The following ATP8B4 variants were observed in gnomAD, a reference collection of about 807,000 sequenced individuals.
ATP8B4 encodes the protein probable phospholipid-transporting ATPase IM.
In ATP8B4, 133 loss-of-function variants were observed where a neutral mutation model predicts 145.6. The observed-to-expected ratio is 0.91, with a 90% CI of 0.79 to 1.05. The LOEUF (loss-of-function observed/expected upper bound fraction) is 1.05. ATP8B4 is among the 50% of genes least tolerant of loss of function. The probability of loss-of-function intolerance (pLI) is 0.00; values close to 1 mark genes in which losing one functional copy is unlikely to be tolerated. For synonymous variants in ATP8B4, 507 were observed against 492.9 expected, an observed-to-expected ratio of 1.03 and a Z score of -0.38; for missense variants, 1,458 against 1,425.2, an observed-to-expected ratio of 1.02 and a Z score of -0.37.
At chr15:50,139,909 C>T (rs943730627) in intron 1 of ATP8B4, among the ~76,000 whole-genome samples, 2 of 152,038 alleles carry the variant, frequency 1.3e-5, no homozygotes, top group African/African-American at 4.8e-5. Context: ...ACTGGATAAG[C>T]ACAATAGGTG....
At chr15:49,862,754 C>CAAGA (rs1455840786) in intron 26 of ATP8B4, among the ~76,000 whole-genome samples, 2 of 152,160 alleles carry the variant, frequency 1.3e-5, no homozygotes, top group African/African-American at 4.8e-5. Flanking sequence ...CACGCCTGGC[C>CAAGA]AAGATCTTTT....
chr15:50,047,927 G>A (rs565189784), intron 3 of ATP8B4, among the ~76,000 whole-genome samples: 2 of 152,166 alleles, frequency 1.3e-5, no homozygotes, highest in East Asian at 1.9e-4. Context: ...TGACTGCCTC[G>A]CAAGGCAGCC....
At chr15:50,168,613 A>T (rs1052897122) in intron 1 of ATP8B4, among the ~76,000 whole-genome samples, 1 of 152,224 alleles carries the variant, frequency 6.6e-6, no homozygotes, top group Admixed American at 6.5e-5. Context: ...AGGGGGTAAA[A>T]GTCCACAGGG....
At chr15:49,947,187 T>C (rs998151783) in intron 14 of ATP8B4, among the ~76,000 whole-genome samples, 6 of 152,056 alleles carry the variant, frequency 3.9e-5, no homozygotes, top group African/African-American at 1.4e-4. Context: ...AATCCCAGCA[T>C]TTTGAGAAGC....
chr15:49,939,239 C>T (rs1489644281), intron 14 of ATP8B4, among the ~76,000 whole-genome samples: 14 of 151,576 alleles, frequency 9.2e-5, no homozygotes, highest in Admixed American at 8.6e-4. Flanking sequence ...AAACTAACAC[C>T]AAAGCTAACA....
At chr15:49,903,912 G>C (rs556419447) in intron 20 of ATP8B4, among the ~76,000 whole-genome samples, 1 of 151,286 alleles carries the variant, frequency 6.6e-6, no homozygotes, top group African/African-American at 2.4e-5. Context: ...AAAAAAAATC[G>C]ATCTGTTGGA....
chr15:50,021,071 A>G (rs1007015913), intron 6 of ATP8B4, among the ~76,000 whole-genome samples: 1 of 152,070 alleles, frequency 6.6e-6, no homozygotes, highest in Admixed American at 6.6e-5. Context: ...GTACTGTTCT[A>G]TTTGTGTGTG....
intron 3 of ATP8B4, among the ~76,000 whole-genome samples, chr15:50,057,721 C>G (rs2052708924): frequency 1.3e-5 from 2 of 152,216 alleles, no homozygotes; most frequent in Non-Finnish European, 2.9e-5. Context: ...GCATCACAAA[C>G]TTTGTTCTCT....
intron 20 of ATP8B4, chr15:49,901,735 G>T: frequency 2.5e-6 from 1 of 393,224 alleles, no homozygotes; most frequent in Non-Finnish European, 4.9e-6. Flanking sequence ...AGTCCTCTGA[G>T]AAACATATTT....
chr15:50,008,552 A>G (rs2048489945), intron 7 of ATP8B4, among the ~76,000 whole-genome samples: 1 of 152,224 alleles, frequency 6.6e-6, no homozygotes, highest in Non-Finnish European at 1.5e-5. Context: ...TGCCTTCTGT[A>G]TTTCACTTCA....
At chr15:49,963,689 A>G (rs1409766644) in intron 13 of ATP8B4, among the ~76,000 whole-genome samples, 2 of 152,192 alleles carry the variant, frequency 1.3e-5, no homozygotes, top group African/African-American at 4.8e-5. Flanking sequence ...GTTCTCACTT[A>G]TAAGTGGGAG....
At chr15:49,920,055 A>G (rs2040115681) in intron 18 of ATP8B4, among the ~76,000 whole-genome samples, 191 bp downstream of exon 18, 1 of 152,228 alleles carries the variant, frequency 6.6e-6, no homozygotes, top group Non-Finnish European at 1.5e-5. Context: ...GCTAATAGAA[A>G]TACAATTCTA....
chr15:50,150,668 C>T (rs1003204971), intron 1 of ATP8B4, among the ~76,000 whole-genome samples: 9 of 152,166 alleles, frequency 5.9e-5, no homozygotes, highest in African/African-American at 1.4e-4. Context: ...TTGTCTGTTT[C>T]GTAGGGGTTT....
At chr15:50,062,003 T>A (rs2053061642) in intron 3 of ATP8B4, among the ~76,000 whole-genome samples, 1 of 152,234 alleles carries the variant, frequency 6.6e-6, no homozygotes, top group Admixed American at 6.5e-5. Flanking sequence ...ATTTCATTTA[T>A]GCATGTGAAA....
intron 23 of ATP8B4, among the ~76,000 whole-genome samples, chr15:49,887,450 CTGATTTTGGG>C (rs1008027011): frequency 6.6e-6 from 1 of 150,964 alleles, no homozygotes; most frequent in Non-Finnish European, 1.5e-5. Context: ...GGTCGACACT[CTGATTTTGGG>C]TGACTCAAAT....
intron 20 of ATP8B4, among the ~76,000 whole-genome samples, chr15:49,904,025 G>GC (rs2038342463): frequency 6.6e-6 from 1 of 152,182 alleles, no homozygotes. Context: ...GGTTCAGACT[G>GC]CCTCTGACAT....
At position 49,876,320 on chromosome 15, in the gene ATP8B4, T is replaced by C; in HGVS notation, c.2985A>G (p.Ala995=). ...TGACCAAAGATGTGGCCATGGTAACTGCAAAGGACTGGTAGTCAGCAATAT... is the reference window on the plus strand; with the variant it reads ...TGACCAAAGATGTGGCCATGGTAACCGCAAAGGACTGGTAGTCAGCAATAT... ...GQHIADYQSF[A]VTMATSLVIV... Residue 995 remains alanine (A), a synonymous_variant, in exon 25 of 28, where the codon GCA becomes GCG. Transcript: ENST00000284509. The C allele has an allele frequency of 6.2e-7, 1 of 1,614,102 alleles. No homozygotes were observed. The highest frequency in any genetic ancestry group is 8.5e-7 in the Non-Finnish European group (1 of 1,179,988).
At chr15:50,107,071 C>T in intron 1 of ATP8B4, 63 bp from the exon 2 acceptor site, 3 of 1,077,150 alleles carry the variant, frequency 2.8e-6, no homozygotes, top group Non-Finnish European at 3.9e-6. Context: ...AATTTACCTC[C>T]TTTAACTTTC....
chr15:50,173,812 TA>T (rs1555499232), intron 1 of ATP8B4, among the ~76,000 whole-genome samples: 1 of 151,910 alleles, frequency 6.6e-6, no homozygotes, highest in Non-Finnish European at 1.5e-5. Flanking sequence ...ATCACCCTAA[TA>T]CCAAAACCAG....
Sources: allele counts gnomAD v4.1 joint callset (sites outside exome capture counted in the v4.1 genomes callset), GRCh38; gene constraint gnomAD v4.1.1; transcripts MANE v1.5; gene names NCBI Gene and HGNC (gene_info 2026-07-23, HGNC 2026-07-21).